WWOX: variants seen among roughly 807,000 people sequenced by gnomAD.
WWOX encodes the protein WW domain-containing oxidoreductase.
In WWOX, 69 loss-of-function variants were observed where a neutral mutation model predicts 46.2. The ratio of observed to expected loss-of-function variants is 1.49; its 90% CI spans 1.23 to 1.82. WWOX has a LOEUF of 1.82. Among genes scored for constraint, WWOX ranks in the 40% most tolerant of loss-of-function variants. The probability of loss-of-function intolerance (pLI) is 0.00; values close to 1 mark genes in which losing one functional copy is unlikely to be tolerated. For missense variants in WWOX, 919 were observed against 542.6 expected, an observed-to-expected ratio of 1.69 and a Z score of -6.89; for synonymous variants, 359 against 202.6, an observed-to-expected ratio of 1.77 and a Z score of -6.56.
rs368742234 is a variant in WWOX at position 78,174,998 on chromosome 16, G to GTAATAATAATAA, written c.516+10731_516+10742dup. 2.1e-3 allele frequency among the ~76,000 whole-genome samples: 297 copies of GTAATAATAATAA among 140,852 alleles called. 1 individual carries two copies. Among genetic ancestry groups the GTAATAATAATAA allele is most frequent in the South Asian group, 3.6e-3 (16 of 4,424 alleles). 92.4% of individuals were successfully genotyped at this position (140,852 alleles called of 152,430 possible). Reference sequence around the variant, plus strand: ...GCAAGACTCTGTCTCAAAAATAATAGTAATAATAATAATAATAATAATAAT... The same window carrying GTAATAATAATAA: ...GCAAGACTCTGTCTCAAAAATAATAGTAATAATAATAATAATAATAATAATAATAATAATAAT... On this transcript the variant is annotated intron_variant, in intron 5 of 8. Transcript: ENST00000566780.
intron 8 of WWOX, among the ~76,000 whole-genome samples, chr16:79,059,994 G>T (rs145481305): frequency 3.3e-5 from 5 of 152,140 alleles, no homozygotes; most frequent in African/African-American, 4.8e-5. Context: ...TTATTGAATA[G>T]ATTCCATTTT....
chr16:78,961,664 A>G (rs184885799), intron 8 of WWOX, among the ~76,000 whole-genome samples: 1 of 152,266 alleles, frequency 6.6e-6, no homozygotes, highest in Admixed American at 6.5e-5. Flanking sequence ...TTCACGTGCA[A>G]GAGAATCCCC....
In WWOX at chr16:78,585,726, C is replaced by A. The variant is rs111851097; in HGVS notation, c.1056+152974C>A. Among the ~76,000 whole-genome samples the A allele has an allele frequency of 6.3e-3, 922 of 146,162 alleles. 13 individuals are homozygous for A. Among genetic ancestry groups the A allele is most frequent in the African/African-American group, 0.021 (840 of 39,566 alleles). On this transcript the variant is annotated intron_variant, in intron 8 of 8. Coordinates refer to ENST00000566780, the MANE Select transcript of WWOX (RefSeq NM_016373.4). The stretch of plus-strand genomic sequence containing the variant: ...TTTTTGTTTTTTTGCCTAATTTGTG[C>A]TTGGCTTCTCCACAGAGGCCTGGTT...
intron 8 of WWOX, among the ~76,000 whole-genome samples, chr16:78,797,925 C>CGGTAG (rs914903758): frequency 1.3e-5 from 2 of 152,162 alleles, no homozygotes; most frequent in African/African-American, 4.8e-5. Context: ...GAGGTCAAGA[C>CGGTAG]GGTAGTGAGT....
At chr16:78,828,579 C>T (rs910555817) in intron 8 of WWOX, among the ~76,000 whole-genome samples, 1 of 151,558 alleles carries the variant, frequency 6.6e-6, no homozygotes, top group African/African-American at 2.4e-5. Flanking sequence ...TATTAAGGTC[C>T]TACTATATAC....
At chr16:78,322,209 T>C (rs1389601368) in intron 5 of WWOX, among the ~76,000 whole-genome samples, 2 of 152,244 alleles carry the variant, frequency 1.3e-5, no homozygotes, top group Admixed American at 6.5e-5. Flanking sequence ...TGAGCCAAAA[T>C]CCATCTGGAT....
At chr16:79,161,486 T>A (rs1188402105) in intron 8 of WWOX, among the ~76,000 whole-genome samples, 1 of 151,938 alleles carries the variant, frequency 6.6e-6, no homozygotes, top group Admixed American at 6.6e-5. Flanking sequence ...GAAATGAAAA[T>A]GTTTCTGAAT....
In WWOX at chr16:78,464,245, A is replaced by C. The variant is rs549219994; in HGVS notation, c.1056+31493A>C. Among the ~76,000 whole-genome samples, 33 of 151,812 alleles carry C rather than the reference A, an allele frequency of 2.2e-4. 1 individual carries two copies. The South Asian group carries it at 5.2e-3, about 24-fold the overall frequency. On this transcript the variant is annotated intron_variant, in intron 8 of 8. Coordinates refer to ENST00000566780, the MANE Select transcript of WWOX (RefSeq NM_016373.4). ...AAGGATGGAAGGAAGAGAGGGAGAG[A>C]CGGAGGGAGATGGAGGATGACAGGG...
At chr16:78,916,086 G>C (rs567527026) in intron 8 of WWOX, among the ~76,000 whole-genome samples, 2 of 152,276 alleles carry the variant, frequency 1.3e-5, no homozygotes, top group East Asian at 3.9e-4. Flanking sequence ...TGTGTTTACA[G>C]AGGTGGTCAG....
intron 8 of WWOX, among the ~76,000 whole-genome samples, chr16:78,648,804 G>A (rs989034294): frequency 3.9e-5 from 6 of 152,124 alleles, no homozygotes; most frequent in Non-Finnish European, 7.4e-5. Flanking sequence ...CACAACTGAT[G>A]GTGGCTGACT....
At chr16:78,119,661 A>G (rs2032991186) in intron 4 of WWOX, among the ~76,000 whole-genome samples, 1 of 150,916 alleles carries the variant, frequency 6.6e-6, no homozygotes, top group African/African-American at 2.4e-5. Context: ...ATGGGGTCTC[A>G]CTGTGTTGCT....
At chr16:78,120,701 G>T (rs1467772986) in intron 4 of WWOX, among the ~76,000 whole-genome samples, 1 of 151,856 alleles carries the variant, frequency 6.6e-6, no homozygotes, top group Non-Finnish European at 1.5e-5. Context: ...TCTAAATCAT[G>T]TGTTGAAATT....
chr16:78,223,498 TACCAAGTGGA>T lies in WWOX; in HGVS notation c.516+59211_516+59220del, dbSNP rs539542688. Among the ~76,000 whole-genome samples, 273 of 152,240 alleles carry T rather than the reference TACCAAGTGGA, an allele frequency of 1.8e-3. 1 individual carries two copies. The highest frequency in any genetic ancestry group is 6.2e-3 in the African/African-American group (259 of 41,560). On this transcript the variant is annotated intron_variant, in intron 5 of 8. Coordinates refer to ENST00000566780, the MANE Select transcript of WWOX (RefSeq NM_016373.4). ...GGTTGATGGGGGATGCTTGAGCTCC[TACCAAGTGGA>T]AGGTGGTGTAGGCAAAGAGAAGGAT... is the stretch of plus-strand genomic sequence containing the variant.
intron 3 of WWOX, 73 bp from the exon 4 acceptor site, chr16:78,114,903 A>C (rs1466398149): frequency 6.3e-7 from 1 of 1,598,212 alleles, no homozygotes; most frequent in Non-Finnish European, 8.5e-7. Context: ...GTTTTCCTAA[A>C]GTATAAGATT....
intron 8 of WWOX, among the ~76,000 whole-genome samples, chr16:78,810,294 C>T (rs1474343826): frequency 6.6e-6 from 1 of 152,212 alleles, no homozygotes; most frequent in African/African-American, 2.4e-5. Context: ...TAAATGGCAG[C>T]TTAGCTATGA....
At chr16:78,210,810 G>A (rs1368468774) in intron 5 of WWOX, among the ~76,000 whole-genome samples, 1 of 152,148 alleles carries the variant, frequency 6.6e-6, no homozygotes, top group Non-Finnish European at 1.5e-5. Flanking sequence ...ATTCTCCAAA[G>A]TAGCCTATCT....
chr16:78,304,062 C>G (rs1430711988), intron 5 of WWOX, among the ~76,000 whole-genome samples: 2 of 152,148 alleles, frequency 1.3e-5, no homozygotes, highest in African/African-American at 2.4e-5. Context: ...CTTATTTTTC[C>G]TCTTCTGAAC....
intron 8 of WWOX, among the ~76,000 whole-genome samples, chr16:79,180,350 A>C (rs146046914): frequency 6.6e-6 from 1 of 152,226 alleles, no homozygotes; most frequent in Non-Finnish European, 1.5e-5. Context: ...GAATGGATCA[A>C]TAGTGATTTG....
intron 8 of WWOX, among the ~76,000 whole-genome samples, chr16:79,063,580 G>T (rs759552613): frequency 1.3e-5 from 2 of 152,196 alleles, no homozygotes; most frequent in Non-Finnish European, 2.9e-5. Flanking sequence ...TCCAGGAGCG[G>T]ATTTGGAAAC....
Sources: gnomAD v4.1 joint callset for allele counts (sites outside exome capture counted in the v4.1 genomes callset) on GRCh38, gnomAD v4.1.1 for gene constraint, MANE v1.5 for transcripts, NCBI Gene and HGNC (gene_info 2026-07-23, HGNC 2026-07-21) for gene names.